VWA8: variants seen among roughly 807,000 people sequenced by gnomAD.
VWA8 encodes von Willebrand factor A domain-containing protein 8.
Under a neutral mutation model 241.5 loss-of-function variants are expected in VWA8, and 221 were observed. The ratio of observed to expected loss-of-function variants is 0.91; its 90% CI spans 0.82 to 1.02. The LOEUF is 1.02. VWA8 is among the 50% of genes least tolerant of loss of function. The pLI, the probability that VWA8 is intolerant of heterozygous loss-of-function variation, is 0.00. For missense variants in VWA8, 2,322 were observed against 2,328.7 expected, an observed-to-expected ratio of 1.00 and a Z score of 0.06; for synonymous variants, 852 against 827.1, an observed-to-expected ratio of 1.03 and a Z score of -0.52.
rs1202114583 is a variant in VWA8, at chr13:41,784,753, TATATATATAC to T, written c.2171-862_2171-853del. On this transcript the variant is annotated intron_variant, in intron 18 of 44. Coordinates refer to ENST00000379310, the MANE Select transcript of VWA8 (RefSeq NM_015058.2). ...ATACACACACATATATATATATATA[TATATATATAC>T]ACACACACACACTAAAACATAACAA... Among the ~76,000 whole-genome samples the T allele has an allele frequency of 8.7e-5, 10 of 115,574 alleles. 1 individual carries two copies. Among genetic ancestry groups the T allele is most frequent in the Non-Finnish European group, 1.3e-4 (7 of 53,506 alleles). 75.8% of individuals were successfully genotyped at this position (115,574 alleles called of 152,430 possible). A position where few individuals can be genotyped will look rare whatever the true frequency, so the allele number is the denominator to read the frequency against.
At chr13:41,693,012 C>CATT in intron 29 of VWA8, 40 bp from the exon 30 acceptor site, 1 of 1,084,292 alleles carries the variant, frequency 9.2e-7, no homozygotes, top group Non-Finnish European at 1.3e-6. Flanking sequence ...AAGATTTGTT[C>CATT]TTTTTTTTTT....
At chr13:41,766,837 G>A (rs1206112753) in intron 20 of VWA8, among the ~76,000 whole-genome samples, 1 of 152,164 alleles carries the variant, frequency 6.6e-6, no homozygotes, top group South Asian at 2.1e-4. Flanking sequence ...CTTGAGGCCA[G>A]GATCATGCCC....
chr13:41,856,298 C>T (rs961385187), intron 12 of VWA8, among the ~76,000 whole-genome samples: 17 of 152,070 alleles, frequency 1.1e-4, no homozygotes, highest in Admixed American at 8.5e-4. Context: ...ATCGCACCAC[C>T]GCACTCTAGT....
chr13:41,912,732 T>C lies in VWA8; in HGVS notation c.242-564A>G, dbSNP rs113151528. The stretch of plus-strand genomic sequence containing the variant: ...TGATGTAGACTTAAAACTACTTCTT[T>C]AGAATTAACTATTTAAGTCTATTCT... On this transcript the variant is annotated intron_variant, in intron 2 of 44. Transcript: ENST00000379310. Among the ~76,000 whole-genome samples, 953 of 152,332 alleles carry C rather than the reference T, an allele frequency of 6.3e-3. 9 individuals are homozygous for C. The highest frequency in any genetic ancestry group is 0.022 in the African/African-American group (910 of 41,572).
intron 24 of VWA8, among the ~76,000 whole-genome samples, chr13:41,725,311 T>A (rs9525538): frequency 0.085 from 12,972 of 152,002 alleles, 576 homozygotes; most frequent in Middle Eastern, 0.11. Context: ...TTGGATTTGG[T>A]GTAGTAGAGG....
At chr13:41,691,628 G>A (rs953512623) in intron 31 of VWA8, among the ~76,000 whole-genome samples, 183 bp from the exon 32 acceptor site, 4 of 152,100 alleles carry the variant, frequency 2.6e-5, no homozygotes, top group Non-Finnish European at 4.4e-5. Context: ...GTCAGGGTGT[G>A]TATAAGTAAA....
intron 12 of VWA8, among the ~76,000 whole-genome samples, chr13:41,856,142 C>T (rs1872735990): frequency 6.6e-6 from 1 of 152,088 alleles, no homozygotes; most frequent in South Asian, 2.1e-4. Context: ...TTAAGACCAG[C>T]CTGGCCAATA....
At chr13:41,625,265 A>G (rs2044682081) in intron 37 of VWA8, among the ~76,000 whole-genome samples, 1 of 152,202 alleles carries the variant, frequency 6.6e-6, no homozygotes, top group South Asian at 2.1e-4. Flanking sequence ...TCTGCACAGC[A>G]AGAGAAACTA....
At chr13:41,661,671 ATT>A (rs1215869014) in intron 37 of VWA8, among the ~76,000 whole-genome samples, 1 of 152,218 alleles carries the variant, frequency 6.6e-6, no homozygotes, top group Non-Finnish European at 1.5e-5. Flanking sequence ...ATTTTTAAGA[ATT>A]AGCTTCACAG....
chr13:41,760,464 G>A (rs563311310), intron 21 of VWA8, among the ~76,000 whole-genome samples: 27 of 151,628 alleles, frequency 1.8e-4, no homozygotes, highest in Non-Finnish European at 3.4e-4. Context: ...TTACTTCCTA[G>A]GATTAAAACA....
At chr13:41,674,827 G>C (rs772634132) in intron 36 of VWA8, among the ~76,000 whole-genome samples, 3 of 152,076 alleles carry the variant, frequency 2.0e-5, no homozygotes, top group Non-Finnish European at 4.4e-5. Flanking sequence ...CAATATTAAA[G>C]AAATCTATTT....
At chr13:41,849,130 C>T (rs946249990) in intron 12 of VWA8, among the ~76,000 whole-genome samples, 4 of 152,204 alleles carry the variant, frequency 2.6e-5, no homozygotes, top group African/African-American at 9.7e-5. Context: ...TTGTTTCTAA[C>T]TATGAGACTG....
At chr13:41,927,195 C>T (rs908646882) in intron 2 of VWA8, 9 of 459,776 alleles carry the variant, frequency 2.0e-5, no homozygotes, top group South Asian at 5.2e-5. Flanking sequence ...CCCTGGAATA[C>T]GTACAGGCAT....
intron 38 of VWA8, among the ~76,000 whole-genome samples, chr13:41,614,114 A>G (rs1341079679): frequency 6.6e-6 from 1 of 152,240 alleles, no homozygotes; most frequent in Non-Finnish European, 1.5e-5. Flanking sequence ...CATTTCTAAA[A>G]ATAGCCTTAC....
chr13:41,835,961 C>G (rs1042785873), intron 12 of VWA8, among the ~76,000 whole-genome samples: 1 of 152,086 alleles, frequency 6.6e-6, no homozygotes, highest in Non-Finnish European at 1.5e-5. Context: ...TTATCAGAAA[C>G]AGGTGGGGAA....
intron 44 of VWA8, among the ~76,000 whole-genome samples, chr13:41,568,766 TTCTC>T (rs963682927): frequency 6.6e-6 from 1 of 152,318 alleles, no homozygotes; most frequent in South Asian, 2.1e-4. Context: ...GAGTGGTTCT[TTCTC>T]TCTTTCTTTG....
At chr13:41,844,807 A>AC (rs1872214172) in intron 12 of VWA8, among the ~76,000 whole-genome samples, 1 of 151,936 alleles carries the variant, frequency 6.6e-6, no homozygotes, top group South Asian at 2.1e-4. Flanking sequence ...AAAAAAAAAA[A>AC]GTTAAATAAA....
chr13:41,660,536 A>C (rs1308607889), intron 37 of VWA8, among the ~76,000 whole-genome samples: 2 of 152,202 alleles, frequency 1.3e-5, no homozygotes, highest in African/African-American at 4.8e-5. Flanking sequence ...TCAATGCCTC[A>C]TTTCTTAAAG....
At chr13:41,784,144 T>TA (rs1381606411) in intron 18 of VWA8, among the ~76,000 whole-genome samples, 2,036 of 141,838 alleles carry the variant, frequency 0.014, 43 homozygotes, top group African/African-American at 0.045. Context: ...TGTGAGAAAC[T>TA]AAAAAAAAAA....
Sources: gnomAD v4.1 joint callset for allele counts (sites outside exome capture counted in the v4.1 genomes callset) on GRCh38, gnomAD v4.1.1 for gene constraint, MANE v1.5 for transcripts, NCBI Gene and HGNC (gene_info 2026-07-23, HGNC 2026-07-21) for gene names.